The following SP2 variants were observed in gnomAD, a reference collection of about 807,000 sequenced individuals.
SP2 encodes Sp2 transcription factor.
A neutral mutation model predicts 50.1 loss-of-function variants in SP2; 9 were observed. That is an observed-to-expected ratio of 0.18 (90% CI 0.11 to 0.31). The LOEUF (loss-of-function observed/expected upper bound fraction) is 0.31. SP2 is among the 10% of genes least tolerant of loss of function. The probability of loss-of-function intolerance (pLI) is 1.00; values close to 1 mark genes in which losing one functional copy is unlikely to be tolerated. For synonymous variants in SP2, 313 were observed against 326.6 expected (o/e 0.96, Z 0.45); for missense variants, 581 against 806.5 (o/e 0.72, Z 3.39).
chr17:47,910,227 G>A (rs2034928505), intron 1 of SP2, among the ~76,000 whole-genome samples: 1 of 152,048 alleles, frequency 6.6e-6, no homozygotes, highest in Non-Finnish European at 1.5e-5. Context: ...CAGCCTGTAG[G>A]GCACAAAACC....
chr17:47,928,017 C>A lies in SP2; in HGVS notation c.*193C>A. The A allele has an allele frequency of 1.8e-6, 1 of 568,256 alleles. No individual in the cohort carries two copies. Among genetic ancestry groups the A allele is most frequent in the Non-Finnish European group, 3.2e-6 (1 of 316,158 alleles). The allele number at this position is 568,256 out of a possible 1,614,324, so 35.2% of individuals were successfully genotyped here. On this transcript the variant is annotated 3_prime_UTR_variant, in exon 7 of 7. Transcript: ENST00000376741. ...TGAAGCCCCTTGGCTCTGCCTTGGC[C>A]CTTCCCCTCACCACGAGCTCCCGGC...
At position 47,911,242 on chromosome 17, in the gene SP2, CAAAT is replaced by C. The variant is rs1247775094; in HGVS notation, c.8-4065_8-4062del. Among the ~76,000 whole-genome samples the C allele has an allele frequency of 4.0e-5, 6 of 151,540 alleles. No individual in the cohort carries two copies. In the East Asian group the frequency reaches 7.8e-4, roughly 20 times the overall value. On this transcript the variant is annotated intron_variant, in intron 1 of 6. Coordinates refer to ENST00000376741, the MANE Select transcript of SP2 (RefSeq NM_003110.6). ...CCTTGTTTCTAAATAAATAAACAAA[CAAAT>C]AAATCTTTGTTTTGGCTGGTCATGG...
Position 47,901,869 on chromosome 17 carries a change from T to C in SP2, c.7+5576T>C, listed in dbSNP as rs117573815. The stretch of plus-strand genomic sequence containing the variant: ...TATTCATTCACTTATTCAACAAATA[T>C]AGATTATTAAGCACCTACCATGTGC... On this transcript the variant is annotated intron_variant, in intron 1 of 6. Coordinates refer to ENST00000376741, the MANE Select transcript of SP2 (RefSeq NM_003110.6). Among the ~76,000 whole-genome samples, 13 of 152,314 alleles carry C rather than the reference T, an allele frequency of 8.5e-5. No individual in the cohort carries two copies. In the East Asian group the frequency reaches 1.7e-3, roughly 20 times the overall value.
intron 3 of SP2, 76 bp from the exon 4 acceptor site, chr17:47,922,886 T>G: frequency 7.4e-7 from 1 of 1,347,282 alleles, no homozygotes; most frequent in Non-Finnish European, 1.0e-6. Context: ...CAGTTCTCAC[T>G]TGGGCAGGGA....
chr17:47,928,104 AC>A lies in SP2; in HGVS notation c.*283del, dbSNP rs1202636569. 2.8e-6 allele frequency: 1 copy of A among 357,288 alleles called. No individual in the cohort carries two copies. Among genetic ancestry groups the A allele is most frequent in the Non-Finnish European group, 5.2e-6 (1 of 192,998 alleles). The allele number at this position is 357,288 out of a possible 1,614,324, so 22.1% of individuals were successfully genotyped here. On this transcript the variant is annotated 3_prime_UTR_variant, in exon 7 of 7. Transcript: ENST00000376741. Reference sequence around the variant, plus strand: ...ACGTTCTAAACCAGGACGCGTGGGAACCCTTATTTCCAAAGGAAAAACATGC... The same window carrying A: ...ACGTTCTAAACCAGGACGCGTGGGAACCTTATTTCCAAAGGAAAAACATGC...
In SP2 at chr17:47,901,513, C is replaced by T. The variant is rs117863412; in HGVS notation, c.7+5220C>T. On this transcript the variant is annotated intron_variant, in intron 1 of 6. Transcript: ENST00000376741. Reference sequence around the variant, plus strand: ...CTCGCTCTGTCACCAGGCTGGAGTGCAGTGGTGCTATCCCGGCTCTGCCAA... The same window carrying T: ...CTCGCTCTGTCACCAGGCTGGAGTGTAGTGGTGCTATCCCGGCTCTGCCAA... 3.2e-3 allele frequency among the ~76,000 whole-genome samples: 490 copies of T among 152,288 alleles called. 2 individuals carry two copies. Among genetic ancestry groups the T allele is most frequent in the South Asian group, 0.011 (52 of 4,828 alleles).
Position 47,927,854 on chromosome 17 carries a change from G to T in SP2, c.*30G>T. Reference sequence around the variant, plus strand: ...AACTGCGGCGGGAGGCCCTGAAGATGCAGTCCCCCACCTGTGTCCTCCCTG... The same window carrying T: ...AACTGCGGCGGGAGGCCCTGAAGATTCAGTCCCCCACCTGTGTCCTCCCTG... On this transcript the variant is annotated 3_prime_UTR_variant, in exon 7 of 7. Coordinates refer to ENST00000376741, the MANE Select transcript of SP2 (RefSeq NM_003110.6). 7.4e-7 allele frequency: 1 copy of T among 1,348,390 alleles called. No homozygotes were observed. Among genetic ancestry groups the T allele is most frequent in the South Asian group, 1.2e-5 (1 of 80,510 alleles). 83.5% of individuals were successfully genotyped at this position (1,348,390 alleles called of 1,614,324 possible).
intron 1 of SP2, chr17:47,898,871 T>A (rs570891152): frequency 5.7e-4 from 87 of 152,350 alleles, no homozygotes; most frequent in African/African-American, 2.0e-3. Flanking sequence ...GAAGCTCATA[T>A]GCTTTCTTAC....
chr17:47,902,116 G>T (rs2034566690), intron 1 of SP2, among the ~76,000 whole-genome samples: 1 of 152,122 alleles, frequency 6.6e-6, no homozygotes, highest in Non-Finnish European at 1.5e-5. Flanking sequence ...AACCCTGAAG[G>T]AGTGGGGAGG....
rs141017434 is a variant in SP2, at chr17:47,907,877, C to T, written c.8-7435C>T. Among the ~76,000 whole-genome samples, 12 of 152,302 alleles carry T rather than the reference C, an allele frequency of 7.9e-5. No homozygotes were observed. In the East Asian group the frequency reaches 1.5e-3, roughly 20 times the overall value. ...TAAAGTGCCTTTGATCATAGTCTTA[C>T]AGTTAGGTATCTATGCTACCTCTTC... On this transcript the variant is annotated intron_variant, in intron 1 of 6. Coordinates refer to ENST00000376741, the MANE Select transcript of SP2 (RefSeq NM_003110.6).
chr17:47,921,441 G>A (rs1855543321), intron 3 of SP2, among the ~76,000 whole-genome samples: 1 of 151,882 alleles, frequency 6.6e-6, no homozygotes, highest in South Asian at 2.1e-4. Context: ...CAGTAGAGAC[G>A]GGGTTTCACC....
intron 1 of SP2, chr17:47,900,238 C>T (rs1243474197): frequency 6.6e-6 from 1 of 152,198 alleles, no homozygotes; most frequent in African/African-American, 2.4e-5. Context: ...GGGTTGTCAC[C>T]TCTCCTATAG....
intron 1 of SP2, chr17:47,897,818 G>A (rs2034398999): frequency 1.0e-5 from 10 of 982,712 alleles, no homozygotes; most frequent in Non-Finnish European, 1.2e-5. Context: ...GATGAAGGGG[G>A]CGAATCTATC....
chr17:47,909,120 T>A (rs1196252574), intron 1 of SP2, among the ~76,000 whole-genome samples: 1 of 152,230 alleles, frequency 6.6e-6, no homozygotes, highest in Admixed American at 6.5e-5. Flanking sequence ...CCATTGCTGC[T>A]GTCTTCTGAA....
At chr17:47,931,550 G>A (rs2035819238), downstream of SP2, among the ~76,000 whole-genome samples, 1 of 152,158 alleles carries the variant, frequency 6.6e-6, no homozygotes, top group African/African-American at 2.4e-5. Flanking sequence ...TGGTCTGAGT[G>A]CAGAGAATGG....
In SP2 at chr17:47,927,759, C is replaced by T. The variant is rs776324108; in HGVS notation, c.1777C>T (p.Arg593Cys). The change falls in exon 7 of 7, where the codon CGC becomes TGC. Residue 593 changes from arginine (R) to cysteine (C), a missense_variant. This residue lies in a region of SP2 where 184 missense variants were observed against 315.5 expected (regional missense o/e 0.58). Coordinates refer to ENST00000376741, the MANE Select transcript of SP2 (RefSeq NM_003110.6). Reference sequence around the variant, plus strand: ...CTTCGAGTGCGCCCAGTGTCAGAAGCGCTTCATGAGGAGTGACCACCTCAC... The same window carrying T: ...CTTCGAGTGCGCCCAGTGTCAGAAGTGCTTCATGAGGAGTGACCACCTCAC... ...KRFECAQCQKRFMRSDHLTKH... is the reference protein window; with the variant it reads ...KRFECAQCQKCFMRSDHLTKH... 6 of 1,596,234 alleles carry T rather than the reference C, an allele frequency of 3.8e-6. No homozygotes were observed. The highest frequency in any genetic ancestry group is 1.7e-5 in the Admixed American group (1 of 57,286).
chr17:47,911,054 C>T (rs953004152), intron 1 of SP2, among the ~76,000 whole-genome samples: 6 of 151,804 alleles, frequency 4.0e-5, no homozygotes, highest in African/African-American at 9.7e-5. Flanking sequence ...GGCGAAACCC[C>T]GTCTCTAGAA....
intron 6 of SP2, among the ~76,000 whole-genome samples, chr17:47,927,269 C>T (rs765867495): frequency 2.0e-5 from 3 of 151,978 alleles, no homozygotes; most frequent in Non-Finnish European, 2.9e-5. Flanking sequence ...CATGATGGCT[C>T]GTGCCTGTAA....
chr17:47,901,827 C>G (rs1184545401), intron 1 of SP2, among the ~76,000 whole-genome samples: 2 of 152,108 alleles, frequency 1.3e-5, no homozygotes, highest in Admixed American at 6.5e-5. Flanking sequence ...CCCTCCTGCT[C>G]TAAAGCCTCC....
Sources: gnomAD v4.1 joint callset for allele counts (sites outside exome capture counted in the v4.1 genomes callset) on GRCh38, gnomAD v4.1.1 for gene constraint, gnomAD v4.1.1 regional missense constraint, MANE v1.5 for transcripts, NCBI Gene and HGNC (gene_info 2026-07-23, HGNC 2026-07-21) for gene names.